The following PLCXD3 variants were observed in gnomAD, a reference collection of about 807,000 sequenced individuals.
The protein encoded by PLCXD3 is phosphatidylinositol specific phospholipase C X domain containing 3.
In PLCXD3, 19 loss-of-function variants were observed where a neutral mutation model predicts 25.5. The ratio of observed to expected loss-of-function variants is 0.75; its 90% CI spans 0.52 to 1.09. PLCXD3 has a LOEUF of 1.09. Ranked by LOEUF, PLCXD3 falls within the 50% of genes least tolerant of loss-of-function variation. The pLI, the probability that PLCXD3 is intolerant of heterozygous loss-of-function variation, is 0.00. For missense variants in PLCXD3, 411 were observed against 388.1 expected (o/e 1.06, Z -0.50); for synonymous variants, 174 against 137.6 (o/e 1.26, Z -1.85).
chr5:41,360,484 A>G (rs2150484820), intron 2 of PLCXD3, among the ~76,000 whole-genome samples: 1 of 152,274 alleles, frequency 6.6e-6, no homozygotes, highest in Non-Finnish European at 1.5e-5. Flanking sequence ...ATTTGGGAAG[A>G]CTATGTCAGA....
chr5:41,343,193 G>C (rs531495360), intron 2 of PLCXD3, among the ~76,000 whole-genome samples: 27 of 152,102 alleles, frequency 1.8e-4, no homozygotes, highest in African/African-American at 5.1e-4. Flanking sequence ...CCCATTTTGG[G>C]CTTCTAAGTA....
At chr5:41,432,269 T>G (rs1747130025) in intron 1 of PLCXD3, among the ~76,000 whole-genome samples, 1 of 152,206 alleles carries the variant, frequency 6.6e-6, no homozygotes, top group South Asian at 2.1e-4. Context: ...AATGCACAAA[T>G]TGCAATTATC....
rs753299431 is a variant in PLCXD3, at chr5:41,381,936, A to G, written c.702T>C (p.Thr234=). The G allele has an allele frequency of 6.2e-7, 1 of 1,613,098 alleles. No homozygotes were observed. The highest frequency in any genetic ancestry group is 8.5e-7 in the Non-Finnish European group (1 of 1,179,622). Residue 234 remains threonine, a synonymous_variant, in exon 2 of 3, where the codon ACT becomes ACC. Coordinates refer to ENST00000377801, the MANE Select transcript of PLCXD3 (RefSeq NM_001005473.3). ...KLIQFLQASI[T]ERRKKGSFFI... ...AAAACGATCCCTTCTTTCTTCTCTC[A>G]GTGATGGATGCTTGAAGAAACTGGA...
At chr5:41,415,693 G>T (rs138789879) in intron 1 of PLCXD3, among the ~76,000 whole-genome samples, 1 of 152,194 alleles carries the variant, frequency 6.6e-6, no homozygotes, top group Non-Finnish European at 1.5e-5. Context: ...GATTTATTTT[G>T]CAGTCCCTAC....
chr5:41,388,145 A>G (rs1745697048), intron 1 of PLCXD3, among the ~76,000 whole-genome samples: 1 of 152,070 alleles, frequency 6.6e-6, no homozygotes, highest in East Asian at 1.9e-4. Flanking sequence ...AATACATACA[A>G]TCCTTGCCCT....
At chr5:41,315,886 T>C (rs1461573015) in intron 2 of PLCXD3, among the ~76,000 whole-genome samples, 4 of 152,138 alleles carry the variant, frequency 2.6e-5, no homozygotes, top group African/African-American at 9.7e-5. Context: ...GAATCACAGA[T>C]CCCAGCAGTC....
intron 1 of PLCXD3, among the ~76,000 whole-genome samples, chr5:41,399,327 A>G (rs1489719463): frequency 6.6e-6 from 1 of 152,240 alleles, no homozygotes; most frequent in Admixed American, 6.5e-5. Context: ...CATTCTTCAC[A>G]GAAATAGAAA....
At chr5:41,453,439 G>A (rs1396888673) in intron 1 of PLCXD3, among the ~76,000 whole-genome samples, 1 of 151,116 alleles carries the variant, frequency 6.6e-6, no homozygotes. Context: ...CCACTCACCT[G>A]AAGTTTCTCC....
At chr5:41,415,193 G>T (rs752271899) in intron 1 of PLCXD3, among the ~76,000 whole-genome samples, 2 of 152,198 alleles carry the variant, frequency 1.3e-5, no homozygotes, top group Non-Finnish European at 2.9e-5. Flanking sequence ...TCAAGGTATA[G>T]CTAATTAAAT....
chr5:41,482,267 T>C (rs985730197), intron 1 of PLCXD3, among the ~76,000 whole-genome samples: 1 of 152,154 alleles, frequency 6.6e-6, no homozygotes, highest in Non-Finnish European at 1.5e-5. Flanking sequence ...CACTCACTGT[T>C]TAGTGTGTAA....
chr5:41,367,065 G>A (rs183132118), intron 2 of PLCXD3, among the ~76,000 whole-genome samples: 11 of 152,228 alleles, frequency 7.2e-5, no homozygotes, highest in Admixed American at 5.9e-4. Context: ...TTGATTCCAT[G>A]TCTTTGCTAT....
intron 2 of PLCXD3, among the ~76,000 whole-genome samples, chr5:41,372,241 C>T (rs1380577412): frequency 6.6e-6 from 1 of 151,252 alleles, no homozygotes; most frequent in Admixed American, 6.6e-5. Flanking sequence ...AGTCTCCATC[C>T]TATGCCACAG....
At chr5:41,405,906 T>C (rs1045043820) in intron 1 of PLCXD3, among the ~76,000 whole-genome samples, 3 of 152,142 alleles carry the variant, frequency 2.0e-5, no homozygotes, top group Admixed American at 6.6e-5. Flanking sequence ...TTGCAACTCA[T>C]ATAAAACCCC....
chr5:41,480,235 T>G (rs1462398966), intron 1 of PLCXD3, among the ~76,000 whole-genome samples: 1 of 152,006 alleles, frequency 6.6e-6, no homozygotes, highest in African/African-American at 2.4e-5. Flanking sequence ...AAAAAAGCAA[T>G]CAAAATCAAA....
intron 2 of PLCXD3, among the ~76,000 whole-genome samples, chr5:41,354,286 C>G (rs956620775): frequency 3.3e-5 from 5 of 152,168 alleles, no homozygotes; most frequent in Non-Finnish European, 7.3e-5. Context: ...ATCAGCAGGA[C>G]CTGAATGTCC....
At chr5:41,414,779 C>T (rs950782410) in intron 1 of PLCXD3, among the ~76,000 whole-genome samples, 1 of 152,196 alleles carries the variant, frequency 6.6e-6, no homozygotes, top group Non-Finnish European at 1.5e-5. Flanking sequence ...CTGCCAGGGA[C>T]ATGAGTCATC....
Position 41,381,876 on chromosome 5 carries a change from G to T in PLCXD3, c.762C>A (p.Ser254Arg), listed in dbSNP as rs367634633. 7.4e-6 allele frequency: 12 copies of T among 1,612,908 alleles called. No homozygotes were observed. Among genetic ancestry groups the T allele is most frequent in the Non-Finnish European group, 1.0e-5 (12 of 1,179,634 alleles). ...CACTTGCCACCCCTTTGACCACAGT[G>T]CTAGCTTTGGGGGTCAGCACCACCT... ...ISQVVLTPKA[S>R]TVVKGVASGL... Residue 254 changes from serine to arginine, a missense_variant, in exon 2 of 3, where the codon AGC becomes AGA. Transcript: ENST00000377801.
At chr5:41,411,849 TATATATGTATCCATATATATATCTCC>T (rs1746536307) in intron 1 of PLCXD3, among the ~76,000 whole-genome samples, 1 of 146,520 alleles carries the variant, frequency 6.8e-6, no homozygotes, top group Non-Finnish European at 1.5e-5. Context: ...TATATCTCCA[TATATATGTATCCATATATATATCTCC>T]ATATATATGT....
intron 1 of PLCXD3, among the ~76,000 whole-genome samples, chr5:41,417,601 A>T (rs1413372948): frequency 6.6e-6 from 1 of 152,246 alleles, no homozygotes; most frequent in Non-Finnish European, 1.5e-5. Context: ...CCTGGAACAG[A>T]ATAACACATT....
Sources: gnomAD v4.1 joint callset for allele counts (sites outside exome capture counted in the v4.1 genomes callset) on GRCh38, gnomAD v4.1.1 for gene constraint, MANE v1.5 for transcripts, NCBI Gene and HGNC (gene_info 2026-07-23, HGNC 2026-07-21) for gene names.